Variants in SMOC2 observed in about 807,000 individuals in gnomAD.
SMOC2 encodes SPARC-related modular calcium-binding protein 2.
Under a neutral mutation model 61.4 loss-of-function variants are expected in SMOC2, and 39 were observed. That is an observed-to-expected ratio of 0.64 (90% CI 0.49 to 0.83). SMOC2 has a LOEUF of 0.83. Among genes scored for constraint, SMOC2 ranks in the 40% least tolerant of loss-of-function variants. The probability of loss-of-function intolerance (pLI) is 0.00; values close to 1 mark genes in which losing one functional copy is unlikely to be tolerated. For missense variants in SMOC2, 556 were observed against 592.9 expected, an observed-to-expected ratio of 0.94 and a Z score of 0.65; for synonymous variants, 247 against 239.9, an observed-to-expected ratio of 1.03 and a Z score of -0.27.
At chr6:168,649,035 T>C (rs1787123000) in intron 9 of SMOC2, among the ~76,000 whole-genome samples, 1 of 152,168 alleles carries the variant, frequency 6.6e-6, no homozygotes, top group African/African-American at 2.4e-5. Flanking sequence ...TGGCACTGCC[T>C]TTCCCCACGG....
At chr6:168,598,693 C>T (rs528606618) in intron 7 of SMOC2, 125 bp from the exon 8 acceptor site, 13 of 1,125,432 alleles carry the variant, frequency 1.2e-5, no homozygotes, top group African/African-American at 6.2e-5. Flanking sequence ...GCTGGCAGGC[C>T]CTCCTGCTCC....
chr6:168,666,502 A>C lies in SMOC2; in HGVS notation c.*64A>C. The C allele has an allele frequency of 6.4e-7, 1 of 1,563,120 alleles. No homozygotes were observed. The highest frequency in any genetic ancestry group is 8.8e-7 in the Non-Finnish European group (1 of 1,136,350). On this transcript the variant is annotated 3_prime_UTR_variant, in exon 13 of 13. Transcript: ENST00000356284. ...AAATTTCCCTCACCAAAGAGCAATT[A>C]AGAAAACAAAAACAGAAACACATAG...
At chr6:168,564,467 G>A (rs752395190) in intron 7 of SMOC2, among the ~76,000 whole-genome samples, 8 of 152,142 alleles carry the variant, frequency 5.3e-5, no homozygotes, top group Admixed American at 1.3e-4. Context: ...TAACTTGTAT[G>A]TATGTGGATT....
chr6:168,664,231 A>C, intron 12 of SMOC2, 120 bp downstream of exon 12: 1 of 855,638 alleles, frequency 1.2e-6, no homozygotes, highest in Non-Finnish European at 1.9e-6. Flanking sequence ...GAAAATAAAT[A>C]ATTCAAGGGA....
chr6:168,613,453 C>A (rs1439752905), intron 9 of SMOC2, among the ~76,000 whole-genome samples: 1 of 152,142 alleles, frequency 6.6e-6, no homozygotes, highest in African/African-American at 2.4e-5. Context: ...CTCCTGGATC[C>A]CCAGAGCTCT....
At chr6:168,463,491 C>T (rs1002587694) in intron 1 of SMOC2, among the ~76,000 whole-genome samples, 1 of 152,118 alleles carries the variant, frequency 6.6e-6, no homozygotes, top group Non-Finnish European at 1.5e-5. Flanking sequence ...TCAAGTAATG[C>T]ATGTCGACAT....
intron 9 of SMOC2, among the ~76,000 whole-genome samples, chr6:168,628,995 G>A (rs1442464934): frequency 2.0e-5 from 3 of 152,364 alleles, no homozygotes; most frequent in South Asian, 2.1e-4. Flanking sequence ...CACCCTCCGC[G>A]TTGGCTGGCA....
chr6:168,471,466 C>T (rs1562544958), intron 1 of SMOC2, among the ~76,000 whole-genome samples: 2 of 152,200 alleles, frequency 1.3e-5, no homozygotes, highest in Non-Finnish European at 1.5e-5. Flanking sequence ...GCATACACCA[C>T]CTTTAGCTTA....
intron 1 of SMOC2, among the ~76,000 whole-genome samples, chr6:168,444,225 T>C (rs915440509): frequency 6.6e-6 from 1 of 152,182 alleles, no homozygotes; most frequent in African/African-American, 2.4e-5. Flanking sequence ...AAAGCTTGCC[T>C]CTCTGCCTCC....
chr6:168,463,822 C>T (rs1583034463), intron 1 of SMOC2, among the ~76,000 whole-genome samples: 2 of 152,112 alleles, frequency 1.3e-5, no homozygotes, highest in African/African-American at 4.8e-5. Flanking sequence ...GAGGATTGCC[C>T]TGTAGAGACG....
rs569346506 is a variant in SMOC2, at chr6:168,575,794, C to T, written c.638-23024C>T. Reference sequence around the variant, plus strand: ...ACAGGACACCAGCCAATTCCAGTGGCTGCTCCAGACTGTCTCGGCTCTGCG... The same window carrying T: ...ACAGGACACCAGCCAATTCCAGTGGTTGCTCCAGACTGTCTCGGCTCTGCG... On this transcript the variant is annotated intron_variant, in intron 7 of 12. Coordinates refer to ENST00000356284, the MANE Select transcript of SMOC2 (RefSeq NM_001166412.2). Among the ~76,000 whole-genome samples the T allele has an allele frequency of 1.7e-3, 263 of 152,366 alleles. 1 individual carries two copies. The highest frequency in any genetic ancestry group is 3.0e-3 in the Non-Finnish European group (204 of 68,038).
At chr6:168,653,279 T>C (rs777353262) in intron 11 of SMOC2, 51 bp downstream of exon 11, 55 of 1,421,124 alleles carry the variant, frequency 3.9e-5, no homozygotes, top group Non-Finnish European at 4.8e-5. Flanking sequence ...CCCTGAGGCC[T>C]GGGAGGTCTG....
At chr6:168,458,297 G>T (rs1562538932) in intron 1 of SMOC2, among the ~76,000 whole-genome samples, 1 of 151,312 alleles carries the variant, frequency 6.6e-6, no homozygotes, top group Non-Finnish European at 1.5e-5. Context: ...GAGGGAGACG[G>T]TCTCACCCTG....
chr6:168,443,436 C>G (rs554658509), intron 1 of SMOC2, among the ~76,000 whole-genome samples: 4 of 152,184 alleles, frequency 2.6e-5, no homozygotes, highest in Non-Finnish European at 5.9e-5. Flanking sequence ...GCTGATACCC[C>G]ACGTGGGCTT....
At chr6:168,446,530 A>G (rs1446966419) in intron 1 of SMOC2, among the ~76,000 whole-genome samples, 1 of 152,250 alleles carries the variant, frequency 6.6e-6, no homozygotes, top group Non-Finnish European at 1.5e-5. Flanking sequence ...TAATAGAGCA[A>G]GATCCCAGCA....
chr6:168,635,999 C>A (rs955687738), intron 9 of SMOC2, among the ~76,000 whole-genome samples: 1 of 152,068 alleles, frequency 6.6e-6, no homozygotes, highest in African/African-American at 2.4e-5. Context: ...AATTTATATC[C>A]TCCTAATTTG....
intron 7 of SMOC2, among the ~76,000 whole-genome samples, chr6:168,582,043 C>T (rs767368567): frequency 3.0e-4 from 46 of 152,188 alleles, no homozygotes; most frequent in African/African-American, 7.5e-4. Flanking sequence ...GTCATTTGCC[C>T]GTTTCCTGAT....
intron 1 of SMOC2, among the ~76,000 whole-genome samples, chr6:168,469,804 C>T (rs1781931313): frequency 6.6e-6 from 1 of 152,160 alleles, no homozygotes; most frequent in Admixed American, 6.5e-5. Context: ...GCTGCAGCCT[C>T]GTTAGGAGTG....
In SMOC2 at chr6:168,480,188, T is replaced by C. The variant is rs151086816; in HGVS notation, c.85-29727T>C. ...GAGTTATCACAGTATTAAATTCAAA[T>C]GTCCAGTTTTTAACAAGAAGTTACA... On this transcript the variant is annotated intron_variant, in intron 1 of 12. Coordinates refer to ENST00000356284, the MANE Select transcript of SMOC2 (RefSeq NM_001166412.2). Among the ~76,000 whole-genome samples, 9 of 152,218 alleles carry C rather than the reference T, an allele frequency of 5.9e-5. No individual in the cohort carries two copies. The East Asian group carries it at 1.4e-3, about 23-fold the overall frequency.
Sources: allele counts gnomAD v4.1 joint callset (sites outside exome capture counted in the v4.1 genomes callset), GRCh38; gene constraint gnomAD v4.1.1; transcripts MANE v1.5; gene names NCBI Gene and HGNC (gene_info 2026-07-23, HGNC 2026-07-21).